STXBP5L: variants seen among roughly 807,000 people sequenced by gnomAD.
STXBP5L encodes the protein syntaxin binding protein 5L.
Under a neutral mutation model 144.5 loss-of-function variants are expected in STXBP5L, and 65 were observed. The ratio of observed to expected loss-of-function variants is 0.45; its 90% CI spans 0.37 to 0.55. STXBP5L has a LOEUF of 0.55. STXBP5L is among the 20% of genes least tolerant of loss of function. The pLI is 0.00. For synonymous variants in STXBP5L, 505 were observed against 469.6 expected (o/e 1.08, Z -0.97); for missense variants, 1,298 against 1,405.5 (o/e 0.92, Z 1.22).
chr3:121,155,914 G>A (rs1280325916), intron 8 of STXBP5L, among the ~76,000 whole-genome samples: 1 of 151,836 alleles, frequency 6.6e-6, no homozygotes, highest in South Asian at 2.1e-4. Flanking sequence ...TGCCTTTTCT[G>A]CCTCCATCTT....
At chr3:121,034,130 CT>C (rs982399596) in intron 3 of STXBP5L, among the ~76,000 whole-genome samples, 5 of 151,830 alleles carry the variant, frequency 3.3e-5, no homozygotes, top group African/African-American at 9.7e-5. Flanking sequence ...CCATTGTTTT[CT>C]TTATTTTTTT....
chr3:120,957,975 T>G (rs1938239513), intron 3 of STXBP5L, among the ~76,000 whole-genome samples: 1 of 152,066 alleles, frequency 6.6e-6, no homozygotes, highest in Non-Finnish European at 1.5e-5. Flanking sequence ...AGGAGCTGGT[T>G]TTTTGAAAAG....
intron 3 of STXBP5L, among the ~76,000 whole-genome samples, chr3:120,960,291 A>ATG (rs1193157910): frequency 0.12 from 18,183 of 152,138 alleles, 1,108 homozygotes; most frequent in Non-Finnish European, 0.14. Flanking sequence ...AGAAATAGGA[A>ATG]CACTTTTACA....
chr3:120,998,449 G>A (rs1450584307), intron 3 of STXBP5L, among the ~76,000 whole-genome samples: 2 of 152,020 alleles, frequency 1.3e-5, no homozygotes, highest in South Asian at 2.1e-4. Flanking sequence ...TTGTTACATA[G>A]GTATACACGT....
chr3:121,363,530 C>T (rs149492287), intron 20 of STXBP5L, among the ~76,000 whole-genome samples: 1 of 152,228 alleles, frequency 6.6e-6, no homozygotes, highest in African/African-American at 2.4e-5. Flanking sequence ...TCTGCTCTAA[C>T]AGGACAGCAC....
At chr3:121,290,273 C>A (rs1035150977) in intron 19 of STXBP5L, among the ~76,000 whole-genome samples, 1 of 152,078 alleles carries the variant, frequency 6.6e-6, no homozygotes, top group Non-Finnish European at 1.5e-5. Flanking sequence ...ACTATCATCA[C>A]CTTTATGCAC....
At chr3:121,101,681 G>A (rs1282604783) in intron 5 of STXBP5L, among the ~76,000 whole-genome samples, 3 of 152,150 alleles carry the variant, frequency 2.0e-5, no homozygotes, top group East Asian at 1.9e-4. Flanking sequence ...ACGAGACAAG[G>A]ATGCTCACTC....
intron 5 of STXBP5L, among the ~76,000 whole-genome samples, chr3:121,048,624 A>G (rs758255118): frequency 1.3e-5 from 2 of 151,652 alleles, no homozygotes; most frequent in Non-Finnish European, 2.9e-5. Context: ...TCTTCTGTTA[A>G]TACTTGCAAT....
At chr3:120,969,034 T>C (rs760763572) in intron 3 of STXBP5L, among the ~76,000 whole-genome samples, 8 of 152,132 alleles carry the variant, frequency 5.3e-5, no homozygotes, top group Admixed American at 2.0e-4. Context: ...TATAATGACT[T>C]ATTTTCCTTT....
Position 121,024,799 on chromosome 3 carries a change from C to A in STXBP5L, c.288-16901C>A, listed in dbSNP as rs867477429. Among the ~76,000 whole-genome samples the A allele has an allele frequency of 2.6e-5, 4 of 152,138 alleles. No homozygotes were observed. The South Asian group carries it at 6.2e-4, about 24-fold the overall frequency. ...CACAAGTATATAGATTTGATCCTTA[C>A]AGAAATTAAAAGATAATAAAGACAA... On this transcript the variant is annotated intron_variant, in intron 3 of 26. Transcript: ENST00000471454.
chr3:121,242,671 A>G (rs2049708896), intron 14 of STXBP5L, among the ~76,000 whole-genome samples: 1 of 152,194 alleles, frequency 6.6e-6, no homozygotes, highest in Non-Finnish European at 1.5e-5. Flanking sequence ...AAATACTTCC[A>G]TTCAAATATA....
intron 9 of STXBP5L, among the ~76,000 whole-genome samples, chr3:121,160,918 A>G (rs578095172): frequency 6.6e-6 from 1 of 152,294 alleles, no homozygotes; most frequent in South Asian, 2.1e-4. Flanking sequence ...TTCAAAGCCT[A>G]TTAGAGCTAA....
rs148566776 is a variant in STXBP5L, at chr3:121,244,427, T to G, written c.1400+3920T>G. On this transcript the variant is annotated intron_variant, in intron 14 of 26. Coordinates refer to ENST00000471454, the MANE Select transcript of STXBP5L (RefSeq NM_001308330.2). ...CATTCAAGTGGACTGATGTACACAT[T>G]ATGGGAATTTAAGAAGGGGCGGGGA... Among the ~76,000 whole-genome samples the G allele has an allele frequency of 4.8e-4, 72 of 151,390 alleles. 1 individual carries two copies. Among genetic ancestry groups the G allele is most frequent in the African/African-American group, 1.7e-3 (71 of 41,270 alleles).
At chr3:121,092,108 G>A (rs2042838815) in intron 5 of STXBP5L, among the ~76,000 whole-genome samples, 1 of 151,938 alleles carries the variant, frequency 6.6e-6, no homozygotes, top group South Asian at 2.1e-4. Context: ...TTATTTCTGA[G>A]GGCTCTGTTC....
At chr3:121,089,427 A>G (rs560180923) in intron 5 of STXBP5L, among the ~76,000 whole-genome samples, 9 of 151,248 alleles carry the variant, frequency 6.0e-5, no homozygotes, top group East Asian at 3.9e-4. Context: ...ATAGCATTCT[A>G]CTTCCTCCTG....
At chr3:121,302,057 G>T (rs902370194) in intron 19 of STXBP5L, among the ~76,000 whole-genome samples, 9 of 152,076 alleles carry the variant, frequency 5.9e-5, no homozygotes, top group African/African-American at 1.7e-4. Flanking sequence ...GATGCTGGCC[G>T]CATAAAATGA....
chr3:121,342,267 G>T (rs979092787), intron 20 of STXBP5L, among the ~76,000 whole-genome samples: 1 of 152,018 alleles, frequency 6.6e-6, no homozygotes, highest in Non-Finnish European at 1.5e-5. Flanking sequence ...AAACCTAAAA[G>T]TAAATTAATA....
intron 5 of STXBP5L, among the ~76,000 whole-genome samples, chr3:121,075,502 T>A (rs1210844387): frequency 3.0e-4 from 45 of 152,312 alleles, no homozygotes; most frequent in Non-Finnish European, 2.9e-5. Context: ...ATAAGCTTGG[T>A]AATATGCCTT....
rs538781944 is a variant in STXBP5L, at chr3:121,025,118, CAATT to C, written c.288-16578_288-16575del. ...ATGACTCTTAGGTAACCACCCAACT[CAATT>C]AATAAGAGAAGTTAGAGAGGCCAAG... On this transcript the variant is annotated intron_variant, in intron 3 of 26. Transcript: ENST00000471454. Among the ~76,000 whole-genome samples, 265 of 152,208 alleles carry C rather than the reference CAATT, an allele frequency of 1.7e-3. 1 individual carries two copies. The highest frequency in any genetic ancestry group is 5.5e-3 in the African/African-American group (230 of 41,558).
Sources: allele counts gnomAD v4.1 joint callset (sites outside exome capture counted in the v4.1 genomes callset), GRCh38; gene constraint gnomAD v4.1.1; transcripts MANE v1.5; gene names NCBI Gene and HGNC (gene_info 2026-07-23, HGNC 2026-07-21).